Variants in SRL observed in about 807,000 individuals in gnomAD.
SRL encodes sarcalumenin.
In SRL, 23 loss-of-function variants were observed where a neutral mutation model predicts 39.5. The observed-to-expected ratio is 0.58, with a 90% CI of 0.42 to 0.82. The LOEUF is 0.82. Ranked by LOEUF, SRL falls within the 40% of genes least tolerant of loss-of-function variation. The pLI, the probability that SRL is intolerant of heterozygous loss-of-function variation, is 0.00. For synonymous variants in SRL, 272 were observed against 237.4 expected (o/e 1.15, Z -1.34); for missense variants, 592 against 607.8 (o/e 0.97, Z 0.27).
intron 1 of SRL, among the ~76,000 whole-genome samples, chr16:4,212,948 A>C (rs1228904020): frequency 6.6e-6 from 1 of 152,028 alleles, no homozygotes; most frequent in Non-Finnish European, 1.5e-5. Context: ...GCACTTCTAC[A>C]TGGACTCAGA....
rs573962273 is a variant in SRL, at chr16:4,192,479, G to T, written c.1096C>A (p.Leu366Met). The T allele has an allele frequency of 6.2e-7, 1 of 1,614,214 alleles. No homozygotes were observed. The highest frequency in any genetic ancestry group is 1.1e-5 in the South Asian group (1 of 91,086). Residue 366 changes from leucine (L) to methionine (M), a missense_variant, in exon 6 of 6, where the codon CTG becomes ATG. Transcript: ENST00000399609. The surrounding 1 kb of genome is among the most constrained non-coding windows in gnomAD (Gnocchi z 4.0). ...DKMTFFSDGE[L>M]VFKDIVEDPD... ...TCTTCCACAATGTCCTTAAAGACCAGTTCTCCATCACTGAAGAAGGTCATT... is the reference window on the plus strand; with the variant it reads ...TCTTCCACAATGTCCTTAAAGACCATTTCTCCATCACTGAAGAAGGTCATT...
intron 3 of SRL, among the ~76,000 whole-genome samples, chr16:4,201,092 A>G (rs1341402144): frequency 6.6e-6 from 1 of 151,088 alleles, no homozygotes; most frequent in East Asian, 1.9e-4. Context: ...AACAACTAGC[A>G]AAATGTTTAA....
chr16:4,217,332 C>G lies in SRL; in HGVS notation c.62-12698G>C, dbSNP rs181905788. Among the ~76,000 whole-genome samples, 609 of 152,266 alleles carry G rather than the reference C, an allele frequency of 4.0e-3. 4 individuals carry two copies. The highest frequency in any genetic ancestry group is 6.8e-3 in the Non-Finnish European group (460 of 68,008). ...CCTGGACTGGAGTGCAGCAGTGTGA[C>G]GAAAGCTCACTGCAGCCTTCCTACT... On this transcript the variant is annotated intron_variant, in intron 1 of 5. Transcript: ENST00000399609.
In SRL at chr16:4,207,968, C is replaced by T. The variant is rs1356726935; in HGVS notation, c.62-3334G>A. On this transcript the variant is annotated intron_variant, in intron 1 of 5. Transcript: ENST00000399609. The stretch of plus-strand genomic sequence containing the variant: ...CCCTGCCATCTGGGTAGTGAAGGAG[C>T]AGTTTCTTGTCTTGAGGGGCTGTGT... 3 of 456,644 alleles carry T rather than the reference C, an allele frequency of 6.6e-6. No homozygotes were observed. In the East Asian group the frequency reaches 2.1e-4, roughly 32 times the overall value. The allele number at this position is 456,644 out of a possible 1,614,324, so 28.3% of individuals were successfully genotyped here.
At chr16:4,207,787 G>C in intron 1 of SRL, 1 of 455,448 alleles carries the variant, frequency 2.2e-6, no homozygotes, top group Admixed American at 2.4e-5. Context: ...CTTGCCACTG[G>C]TGGGCCATTC....
chr16:4,207,431 G>T (rs761889807), intron 1 of SRL: 1 of 456,764 alleles, frequency 2.2e-6, no homozygotes, highest in Non-Finnish European at 4.4e-6. Context: ...CAACAGCCGC[G>T]ACGTCAGGGG....
chr16:4,241,948 A>C lies in SRL; in HGVS notation c.61+59T>G, dbSNP rs900931677. On this transcript the variant is annotated intron_variant, in intron 1 of 5. Coordinates refer to ENST00000399609, the MANE Select transcript of SRL (RefSeq NM_001098814.2). Reference sequence around the variant, plus strand: ...CCTACCCAACCCATGGTAGACAGAAAACCTTGGAGGAAGCGTGGGGGACCA... The same window carrying C: ...CCTACCCAACCCATGGTAGACAGAACACCTTGGAGGAAGCGTGGGGGACCA... 9 of 1,597,690 alleles carry C rather than the reference A, an allele frequency of 5.6e-6. No individual in the cohort carries two copies. In the African/African-American group the frequency reaches 1.2e-4, roughly 21 times the overall value.
chr16:4,199,976 C>T (rs1332177521), intron 3 of SRL, among the ~76,000 whole-genome samples: 3 of 148,818 alleles, frequency 2.0e-5, no homozygotes, highest in Non-Finnish European at 4.4e-5. Context: ...GGATTACAGG[C>T]GTGAGCCCCC....
chr16:4,192,410 T>C lies in SRL; in HGVS notation c.1165A>G (p.Asn389Asp). ...TTGGGAAGGTCAAATTTGCTGACAT[T>C]GGTCTTTGCCAGGATGGTCTTGAAG... Reference protein sequence around the residue: ...YIFKTILAKTNVSKFDLPNRE... With the variant: ...YIFKTILAKTDVSKFDLPNRE... The change falls in exon 6 of 6, where the codon AAT becomes GAT. Residue 389 changes from asparagine (N) to aspartate (D), a missense_variant. Physicochemically the swap from Asn to Asp is conservative, Grantham distance 23. Coordinates refer to ENST00000399609, the MANE Select transcript of SRL (RefSeq NM_001098814.2). The surrounding 1 kb of genome is among the most constrained non-coding windows in gnomAD (Gnocchi z 4.0). The C allele has an allele frequency of 6.2e-7, 1 of 1,614,200 alleles. No individual in the cohort carries two copies. Among genetic ancestry groups the C allele is most frequent in the Non-Finnish European group, 8.5e-7 (1 of 1,180,038 alleles).
chr16:4,196,667 G>C (rs529243125), intron 4 of SRL, among the ~76,000 whole-genome samples: 2 of 151,942 alleles, frequency 1.3e-5, no homozygotes, highest in African/African-American at 4.8e-5. Flanking sequence ...TTTTAGTAGA[G>C]ACAAGGTTTC....
intron 1 of SRL, among the ~76,000 whole-genome samples, chr16:4,205,871 A>C (rs1403523331): frequency 6.6e-6 from 1 of 151,916 alleles, no homozygotes; most frequent in Non-Finnish European, 1.5e-5. Context: ...ACTTGAGCTC[A>C]GGAGTTAGAA....
chr16:4,210,249 C>A (rs1373495963), intron 1 of SRL, among the ~76,000 whole-genome samples: 1 of 152,184 alleles, frequency 6.6e-6, no homozygotes. Context: ...ACATCTCTAT[C>A]TCTCCACCTT....
rs540329784 is a variant in SRL, at chr16:4,191,316, C to G, written c.*837G>C. On this transcript the variant is annotated 3_prime_UTR_variant, in exon 6 of 6. Coordinates refer to ENST00000399609, the MANE Select transcript of SRL (RefSeq NM_001098814.2). ...CAGGAGCAAGTCCGGGGGATTGGCTCAAAACCCAGGTGGAGGCCGGGTGCG... is the reference window on the plus strand; with the variant it reads ...CAGGAGCAAGTCCGGGGGATTGGCTGAAAACCCAGGTGGAGGCCGGGTGCG... 2 of 152,574 alleles carry G rather than the reference C, an allele frequency of 1.3e-5. No individual in the cohort carries two copies. Among genetic ancestry groups the G allele is most frequent in the East Asian group, 1.9e-4 (1 of 5,176 alleles). 9.5% of individuals were successfully genotyped at this position (152,574 alleles called of 1,614,324 possible).
chr16:4,229,551 T>C (rs1193246070), intron 1 of SRL, among the ~76,000 whole-genome samples: 1 of 152,060 alleles, frequency 6.6e-6, no homozygotes. Flanking sequence ...AGACTGCATA[T>C]TCTCACTTAT....
At chr16:4,232,085 G>A (rs147779258) in intron 1 of SRL, among the ~76,000 whole-genome samples, 11 of 152,166 alleles carry the variant, frequency 7.2e-5, no homozygotes, top group Non-Finnish European at 1.3e-4. Context: ...CAGGCCAGCC[G>A]CTCTGCCTCT....
intron 1 of SRL, among the ~76,000 whole-genome samples, chr16:4,209,777 C>T (rs4786475): frequency 2.4e-4 from 37 of 152,152 alleles, no homozygotes; most frequent in African/African-American, 8.2e-4. Context: ...GGCCATTTAA[C>T]CTTCTTTACG....
At chr16:4,207,964 G>A (rs532888699) in intron 1 of SRL, 1 of 456,736 alleles carries the variant, frequency 2.2e-6, no homozygotes, top group Admixed American at 2.3e-5. Context: ...GGGTAGTGAA[G>A]GAGCAGTTTC....
intron 1 of SRL, among the ~76,000 whole-genome samples, chr16:4,223,124 C>G (rs1254390024): frequency 6.7e-6 from 1 of 148,546 alleles, no homozygotes; most frequent in East Asian, 2.0e-4. Context: ...CCCAGCTACT[C>G]GGGAGGCTGA....
chr16:4,190,179 A>G lies in SRL; in HGVS notation c.*1974T>C. ...AAAGCCAAACGCAACGGCCCCTGTG[A>G]CAGCATGCACCAGAGTGATAACAAT... On this transcript the variant is annotated 3_prime_UTR_variant, in exon 6 of 6. Transcript: ENST00000399609. 2.5e-6 allele frequency: 1 copy of G among 398,066 alleles called. No homozygotes were observed. Among genetic ancestry groups the G allele is most frequent in the Non-Finnish European group, 4.4e-6 (1 of 226,110 alleles). The allele number at this position is 398,066 out of a possible 1,614,324, so 24.7% of individuals were successfully genotyped here.
Sources: gnomAD v4.1 joint callset for allele counts (sites outside exome capture counted in the v4.1 genomes callset) on GRCh38, gnomAD v4.1.1 for gene constraint, Gnocchi (gnomAD v3.1) non-coding constraint, MANE v1.5 for transcripts, NCBI Gene and HGNC (gene_info 2026-07-23, HGNC 2026-07-21) for gene names.